The following VPS13B variants were observed in gnomAD, a reference collection of about 807,000 sequenced individuals.
VPS13B encodes the protein vacuolar protein sorting 13 homolog B.
In VPS13B, 285 loss-of-function variants were observed where a neutral mutation model predicts 426.4. The ratio of observed to expected loss-of-function variants is 0.67; its 90% confidence interval spans 0.61 to 0.74. The LOEUF (loss-of-function observed/expected upper bound fraction) is 0.74, where lower values mean the gene tolerates loss of function less well. VPS13B is among the 30% of genes least tolerant of loss of function. The pLI, the probability that VPS13B is intolerant of heterozygous loss-of-function variation, is 0.00. For synonymous variants in VPS13B, 1,676 were observed against 1,676.4 expected (o/e 1.00, Z 0.01); for missense variants, 4,537 against 4,782.6 (o/e 0.95, Z 1.51).
At chr8:99,104,719 G>A (rs1158115539) in intron 5 of VPS13B, among the ~76,000 whole-genome samples, 6 of 151,858 alleles carry the variant, frequency 4.0e-5, no homozygotes, top group African/African-American at 7.3e-5. Flanking sequence ...GACTTCCTGG[G>A]CTCAGGTGAT....
intron 19 of VPS13B, among the ~76,000 whole-genome samples, chr8:99,315,705 C>G (rs1368127078): frequency 6.6e-6 from 1 of 151,074 alleles, no homozygotes; most frequent in Non-Finnish European, 1.5e-5. Flanking sequence ...GGTGTGATCT[C>G]TGTTAGCTGC....
intron 2 of VPS13B, among the ~76,000 whole-genome samples, chr8:99,029,348 A>G (rs1842379566): frequency 6.6e-6 from 1 of 151,826 alleles, no homozygotes; most frequent in South Asian, 2.1e-4. Context: ...GGCCAGGCAG[A>G]GACGCTCCTC....
At chr8:99,115,667 G>T (rs756356753) in intron 6 of VPS13B, 33 bp from the exon 7 acceptor site, 4 of 1,603,766 alleles carry the variant, frequency 2.5e-6, no homozygotes, top group Non-Finnish European at 3.4e-6. Context: ...TTAAACATGC[G>T]TTTGTTGGTG....
At chr8:99,652,410 A>G (rs1829855741) in intron 34 of VPS13B, among the ~76,000 whole-genome samples, 1 of 152,134 alleles carries the variant, frequency 6.6e-6, no homozygotes, top group Non-Finnish European at 1.5e-5. Context: ...ACTATTAATA[A>G]ATATTGTTGC....
At chr8:99,731,075 G>A (rs1366694534) in intron 39 of VPS13B, among the ~76,000 whole-genome samples, 2 of 152,140 alleles carry the variant, frequency 1.3e-5, no homozygotes, top group Non-Finnish European at 2.9e-5. Context: ...TGGATAGAGA[G>A]GGCAGAACAT....
At chr8:99,398,273 T>A (rs1308324692) in intron 21 of VPS13B, among the ~76,000 whole-genome samples, 1 of 152,078 alleles carries the variant, frequency 6.6e-6, no homozygotes, top group Non-Finnish European at 1.5e-5. Flanking sequence ...AGGAACTCTT[T>A]AATGGTAGAG....
intron 19 of VPS13B, among the ~76,000 whole-genome samples, chr8:99,372,422 G>A (rs990711474): frequency 6.6e-6 from 1 of 152,030 alleles, no homozygotes; most frequent in African/African-American, 2.4e-5. Context: ...ATCTGACAAA[G>A]GTCTAATATT....
At chr8:99,607,678 A>C (rs1377800223) in intron 33 of VPS13B, among the ~76,000 whole-genome samples, 1 of 152,210 alleles carries the variant, frequency 6.6e-6, no homozygotes, top group African/African-American at 2.4e-5. Context: ...ATTCCTTTAC[A>C]GTCTAAAAAC....
At chr8:99,378,721 C>T (rs187096196) in intron 19 of VPS13B, among the ~76,000 whole-genome samples, 53 of 152,246 alleles carry the variant, frequency 3.5e-4, no homozygotes, top group South Asian at 6.2e-4. Context: ...TATTCTAATA[C>T]CTTCAGTGCT....
intron 22 of VPS13B, among the ~76,000 whole-genome samples, chr8:99,436,320 C>T (rs1475464149): frequency 6.6e-6 from 1 of 152,156 alleles, no homozygotes; most frequent in African/African-American, 2.4e-5. Context: ...TTAGCTTCAT[C>T]ACTAACAAAC....
At position 99,685,716 on chromosome 8, in the gene VPS13B, T is replaced by C. The variant is rs138075011; in HGVS notation, c.6047-13809T>C. Among the ~76,000 whole-genome samples the C allele has an allele frequency of 5.9e-5, 9 of 152,370 alleles. No homozygotes were observed. In the East Asian group the frequency reaches 1.7e-3, roughly 29 times the overall value. On this transcript the variant is annotated intron_variant, in intron 35 of 61. Coordinates refer to ENST00000357162, the MANE Select transcript of VPS13B (RefSeq NM_152564.5). ...TTTTAAATTATTTCAATCTCTTTGTTACATTTATCTGACAGGATTCTGAAT... is the reference window on the plus strand; with the variant it reads ...TTTTAAATTATTTCAATCTCTTTGTCACATTTATCTGACAGGATTCTGAAT...
At chr8:99,708,843 CTCTCTCTA>C (rs1472766899) in intron 36 of VPS13B, among the ~76,000 whole-genome samples, 3 of 144,574 alleles carry the variant, frequency 2.1e-5, no homozygotes, top group African/African-American at 7.4e-5. Flanking sequence ...CTCTCTCTCT[CTCTCTCTA>C]TATATATATA....
At chr8:99,423,454 G>T (rs919805651) in intron 21 of VPS13B, among the ~76,000 whole-genome samples, 18 of 148,774 alleles carry the variant, frequency 1.2e-4, no homozygotes, top group Non-Finnish European at 2.4e-4. Flanking sequence ...TTTTAGTAGA[G>T]AGGTGGTTTT....
At chr8:99,325,657 T>C (rs1159246452) in intron 19 of VPS13B, among the ~76,000 whole-genome samples, 1 of 152,206 alleles carries the variant, frequency 6.6e-6, no homozygotes, top group Admixed American at 6.5e-5. Flanking sequence ...AGTTATTATT[T>C]AGTTCCCTTA....
At chr8:99,018,934 T>G (rs1841751507) in intron 2 of VPS13B, among the ~76,000 whole-genome samples, 1 of 152,186 alleles carries the variant, frequency 6.6e-6, no homozygotes, top group African/African-American at 2.4e-5. Flanking sequence ...TGATTATATA[T>G]TATCTTTTTT....
chr8:99,376,476 T>G (rs1813494027), intron 19 of VPS13B, among the ~76,000 whole-genome samples: 1 of 152,208 alleles, frequency 6.6e-6, no homozygotes, highest in Non-Finnish European at 1.5e-5. Context: ...TTTGGTATAA[T>G]GTAATCATAT....
At chr8:99,271,191 C>T (rs1563638981) in intron 17 of VPS13B, among the ~76,000 whole-genome samples, 1 of 142,952 alleles carries the variant, frequency 7.0e-6, no homozygotes, top group Non-Finnish European at 1.5e-5. Flanking sequence ...CTGCTGCTAC[C>T]ACTAACTACT....
chr8:99,649,254 G>T (rs967551991), intron 34 of VPS13B, among the ~76,000 whole-genome samples: 1 of 151,944 alleles, frequency 6.6e-6, no homozygotes, highest in East Asian at 1.9e-4. Flanking sequence ...AAATTTATGG[G>T]TATATTGTTT....
intron 3 of VPS13B, among the ~76,000 whole-genome samples, chr8:99,040,026 G>C (rs1842906573): frequency 6.6e-6 from 1 of 151,398 alleles, no homozygotes; most frequent in Non-Finnish European, 1.5e-5. Context: ...ATCTTTTCTT[G>C]GAATTTATTT....
Sources: allele counts gnomAD v4.1 joint callset (sites outside exome capture counted in the v4.1 genomes callset), GRCh38; gene constraint gnomAD v4.1.1; transcripts MANE v1.5; gene names NCBI Gene and HGNC (gene_info 2026-07-23, HGNC 2026-07-21).